PLEKHH2: variants seen among roughly 807,000 people sequenced by gnomAD.
PLEKHH2 encodes the protein pleckstrin homology domain-containing family H member 2.
In PLEKHH2, 129 loss-of-function variants were observed where a neutral mutation model predicts 187.9. The observed-to-expected ratio is 0.69, with a 90% CI of 0.59 to 0.79. The LOEUF is 0.79. Among genes scored for constraint, PLEKHH2 ranks in the 30% least tolerant of loss-of-function variants. PLEKHH2 has a pLI of 0.00. For synonymous variants in PLEKHH2, 686 were observed against 605.6 expected (o/e 1.13, Z -1.95); for missense variants, 2,076 against 1,751.2 (o/e 1.19, Z -3.31).
At chr2:43,684,140 T>C (rs1385560091) in intron 3 of PLEKHH2, among the ~76,000 whole-genome samples, 1 of 152,210 alleles carries the variant, frequency 6.6e-6, no homozygotes, top group East Asian at 1.9e-4. Context: ...TCCTCTTCTA[T>C]AGTATCATAT....
At position 43,695,133 on chromosome 2, in the gene PLEKHH2, G is replaced by C; in HGVS notation, c.421-10G>C. On this transcript the variant is annotated splice_polypyrimidine_tract_variant and intron_variant, in intron 5 of 29. Transcript: ENST00000282406. Reference sequence around the variant, plus strand: ...CTCTATATGAAAAGAATACCATTATGTTCTCTTAGCTGGAATTGGAGAATC... The same window carrying C: ...CTCTATATGAAAAGAATACCATTATCTTCTCTTAGCTGGAATTGGAGAATC... The C allele has an allele frequency of 6.5e-7, 1 of 1,531,628 alleles. No individual in the cohort carries two copies. Among genetic ancestry groups the C allele is most frequent in the Middle Eastern group, 1.9e-4 (1 of 5,136 alleles). The allele number at this position is 1,531,628 out of a possible 1,614,324, so 94.9% of individuals were successfully genotyped here. A position where few individuals can be genotyped will look rare whatever the true frequency, so the allele number is the denominator to read the frequency against.
intron 15 of PLEKHH2, among the ~76,000 whole-genome samples, chr2:43,716,083 G>C (rs1029582109): frequency 3.3e-5 from 5 of 152,106 alleles, no homozygotes; most frequent in Non-Finnish European, 7.4e-5. Context: ...TGAAGTATTT[G>C]AGTTTCAAGG....
chr2:43,703,472 C>T (rs763961401), intron 8 of PLEKHH2, among the ~76,000 whole-genome samples: 1 of 152,168 alleles, frequency 6.6e-6, no homozygotes, highest in Non-Finnish European at 1.5e-5. Flanking sequence ...GCATTTAATG[C>T]TACTGTATCT....
At chr2:43,756,866 T>C (rs954255836) in intron 25 of PLEKHH2, among the ~76,000 whole-genome samples, 2 of 152,094 alleles carry the variant, frequency 1.3e-5, no homozygotes, top group Admixed American at 6.6e-5. Context: ...GGAGAATCAA[T>C]TGAACCTGGG....
intron 14 of PLEKHH2, chr2:43,711,238 G>T: frequency 1.0e-6 from 1 of 985,446 alleles, no homozygotes. Flanking sequence ...TTTGGAGGGT[G>T]GAGGACAACT....
In PLEKHH2 at chr2:43,707,338, CT is replaced by C. The variant is rs1363110613; in HGVS notation, c.1822-59del. 2.8e-5 allele frequency: 45 copies of C among 1,589,888 alleles called. No homozygotes were observed. In the African/African-American group the frequency reaches 5.5e-4, roughly 19 times the overall value. ...GGAGGCGACCCTAATAACTAGCAGCCTTTTCTTGGATGAGTGGTAACATTAG... is the reference window on the plus strand; with the variant it reads ...GGAGGCGACCCTAATAACTAGCAGCCTTTCTTGGATGAGTGGTAACATTAG... On this transcript the variant is annotated intron_variant, in intron 10 of 29. Coordinates refer to ENST00000282406, the MANE Select transcript of PLEKHH2 (RefSeq NM_172069.4).
chr2:43,648,929 G>A (rs1163672975), intron 2 of PLEKHH2, among the ~76,000 whole-genome samples: 3 of 152,114 alleles, frequency 2.0e-5, no homozygotes, highest in African/African-American at 4.8e-5. Flanking sequence ...ATTTTTAAAG[G>A]AAAAATATGT....
At position 43,743,920 on chromosome 2, in the gene PLEKHH2, T is replaced by C. The variant is rs771156565; in HGVS notation, c.3486T>C (p.Ser1162=). ...CAGGAATGAGGAAACCAGCGCAGTC[T>C]GGATTTGCGTTGTTCACTGACGATC... ...QDTGMRKPAQ[S]GFALFTDDPS... The change falls in exon 23 of 30, where the codon TCT becomes TCC. Residue 1162 remains serine (S), a synonymous_variant. Coordinates refer to ENST00000282406, the MANE Select transcript of PLEKHH2 (RefSeq NM_172069.4). 1 of 1,614,006 alleles carries C rather than the reference T, an allele frequency of 6.2e-7. No homozygotes were observed.
intron 29 of PLEKHH2, 136 bp downstream of exon 29, chr2:43,764,501 A>C (rs963040136): frequency 2.0e-5 from 17 of 871,182 alleles, no homozygotes; most frequent in Non-Finnish European, 2.9e-5. Context: ...AGATGGGAAA[A>C]CAGACGTTAT....
chr2:43,685,630 C>T (rs538984902), intron 3 of PLEKHH2, among the ~76,000 whole-genome samples: 5 of 139,842 alleles, frequency 3.6e-5, no homozygotes, highest in South Asian at 2.3e-4. Flanking sequence ...TTTGTAGAGA[C>T]GATGTCTCAC....
intron 26 of PLEKHH2, 115 bp downstream of exon 26, chr2:43,757,379 T>C: frequency 1.2e-6 from 1 of 846,670 alleles, no homozygotes; most frequent in African/African-American, 1.8e-5. Context: ...CAAGATTTTT[T>C]TAACATGATT....
chr2:43,729,467 A>G (rs1670931262), intron 17 of PLEKHH2, among the ~76,000 whole-genome samples, 170 bp from the exon 18 acceptor site: 1 of 152,250 alleles, frequency 6.6e-6, no homozygotes, highest in Non-Finnish European at 1.5e-5. Flanking sequence ...AACACAGTTC[A>G]AGTGAGCATG....
intron 29 of PLEKHH2, among the ~76,000 whole-genome samples, chr2:43,764,971 T>A (rs1329487647): frequency 6.6e-6 from 1 of 152,252 alleles, no homozygotes; most frequent in Admixed American, 6.5e-5. Context: ...ATCTGAAGCT[T>A]TTTTTACAAA....
rs113117934 is a variant in PLEKHH2 at position 43,706,328 on chromosome 2, C to T, written c.1733C>T (p.Ala578Val). 6.2e-4 allele frequency: 1,001 copies of T among 1,602,386 alleles called. 9 individuals carry two copies. In the African/African-American group the frequency reaches 0.012, roughly 20 times the overall value. ...TCCTGTTTTTCTGTTTCAGATTCTG[C>T]TGCAACCCTTTCCTATACTACATCA... The part of the protein sequence containing the change: ...FNMESVNKNS[A>V]ATLSYTTSGL... The change falls in exon 10 of 30, where the codon GCT becomes GTT. Residue 578 changes from alanine to valine, a missense_variant. Coordinates refer to ENST00000282406, the MANE Select transcript of PLEKHH2 (RefSeq NM_172069.4).
In PLEKHH2 at chr2:43,757,264, G is replaced by A. The variant is rs769861731; in HGVS notation, c.3941G>A (p.Arg1314Lys). 15 of 1,552,820 alleles carry A rather than the reference G, an allele frequency of 9.7e-6. No homozygotes were observed. Among genetic ancestry groups the A allele is most frequent in the Non-Finnish European group, 1.3e-5 (15 of 1,156,548 alleles). The change falls in exon 26 of 30, where the codon AGG becomes AAG. Residue 1314 changes from arginine to lysine, a missense_variant and splice_region_variant. Transcript: ENST00000282406. ...GATGGCTGTTCTGAAGAGCAGTTAA[G>A]GTAAGGAAATCTTTGTAACTCTTTA... Reference protein sequence around the residue: ...YRDGCSEEQLRQLCQRLSTRW... With the variant: ...YRDGCSEEQLKQLCQRLSTRW...
chr2:43,741,880 T>C (rs1334040135), intron 21 of PLEKHH2, among the ~76,000 whole-genome samples: 1 of 152,234 alleles, frequency 6.6e-6, no homozygotes, highest in Non-Finnish European at 1.5e-5. Context: ...CAAGGACAAA[T>C]AAGATTTCTA....
chr2:43,706,268 CA>C, intron 9 of PLEKHH2, 53 bp from the exon 10 acceptor site: 1 of 1,212,638 alleles, frequency 8.2e-7, no homozygotes, highest in Non-Finnish European at 1.2e-6. Flanking sequence ...AGAAAAAGAC[CA>C]ATGTGCTAAT....
At chr2:43,703,773 A>T (rs4953001) in intron 8 of PLEKHH2, among the ~76,000 whole-genome samples, 85,761 of 152,036 alleles carry the variant, frequency 0.56, 25,236 homozygotes, top group African/African-American at 0.7. Context: ...AATAATGGAA[A>T]AACTAACAGA....
intron 2 of PLEKHH2, among the ~76,000 whole-genome samples, chr2:43,677,560 T>C (rs1364136360): frequency 6.6e-6 from 1 of 151,838 alleles, no homozygotes; most frequent in East Asian, 1.9e-4. Flanking sequence ...GAATTTTTCT[T>C]AGTACAGAAC....
Sources: gnomAD v4.1 joint callset for allele counts (sites outside exome capture counted in the v4.1 genomes callset) on GRCh38, gnomAD v4.1.1 for gene constraint, MANE v1.5 for transcripts, NCBI Gene and HGNC (gene_info 2026-07-23, HGNC 2026-07-21) for gene names.